Variants in ZNF714 observed in about 807,000 individuals in gnomAD.
The protein encoded by ZNF714 is zinc finger protein 714.
Under a neutral mutation model 46.2 loss-of-function variants are expected in ZNF714, and 32 were observed. That is an observed-to-expected ratio of 0.69 (90% CI 0.52 to 0.93). The LOEUF (loss-of-function observed/expected upper bound fraction) is 0.93, where lower values mean the gene tolerates loss of function less well. Ranked by LOEUF, ZNF714 falls within the 40% of genes least tolerant of loss-of-function variation. ZNF714 has a pLI of 0.00. For missense variants in ZNF714, 635 were observed against 646.3 expected (o/e 0.98, Z 0.19); for synonymous variants, 199 against 213.1 (o/e 0.93, Z 0.58).
chr19:21,106,430 G>A (rs771761054), intron 4 of ZNF714, among the ~76,000 whole-genome samples: 2 of 151,470 alleles, frequency 1.3e-5, no homozygotes, highest in Admixed American at 6.6e-5. Context: ...TTAGCTGGGC[G>A]TGGTGGCAGG....
chr19:21,099,719 C>T (rs183849477), intron 4 of ZNF714, among the ~76,000 whole-genome samples: 2,152 of 151,738 alleles, frequency 0.014, 32 homozygotes, highest in Non-Finnish European at 0.023. Context: ...ATTGTAGTTT[C>T]TTGTAAATTT....
At chr19:21,093,892 C>T (rs777837179) in intron 2 of ZNF714, among the ~76,000 whole-genome samples, 1 of 152,226 alleles carries the variant, frequency 6.6e-6, no homozygotes, top group Non-Finnish European at 1.5e-5. Flanking sequence ...CCTCGGCCTC[C>T]CAAAGTGCCG....
chr19:21,110,207 C>T (rs568051237), intron 4 of ZNF714, among the ~76,000 whole-genome samples: 3 of 152,158 alleles, frequency 2.0e-5, no homozygotes, highest in Non-Finnish European at 2.9e-5. Context: ...ATTTACATTC[C>T]CACCAAAAGT....
rs962698124 is a variant in ZNF714, at chr19:21,123,239, A to T, written c.*4907A>T. ...CATTGCATTTCTTTGTTTTTAAAAG[A>T]AAAATCTTATTAGATTCTTATACAA... is the stretch of plus-strand genomic sequence containing the variant. On this transcript the variant is annotated 3_prime_UTR_variant, in exon 5 of 5. Coordinates refer to ENST00000456283, the MANE Select transcript of ZNF714 (RefSeq NM_182515.4). 2 of 152,192 alleles carry T rather than the reference A, an allele frequency of 1.3e-5. No homozygotes were observed. The highest frequency in any genetic ancestry group is 2.9e-5 in the Non-Finnish European group (2 of 68,032). 9.4% of individuals were successfully genotyped at this position (152,192 alleles called of 1,614,324 possible).
At position 21,118,186 on chromosome 19, in the gene ZNF714, G is replaced by C; in HGVS notation, c.1522G>C (p.Ala508Pro). 10 of 1,609,326 alleles carry C rather than the reference G, an allele frequency of 6.2e-6. No individual in the cohort carries two copies. Among genetic ancestry groups the C allele is most frequent in the Non-Finnish European group, 8.5e-6 (10 of 1,177,310 alleles). ...TAGGAAAATTCAGCAGGGCATGGTG[G>C]CTCATGCCTGTAATCCCAACACTTT... ...KHRKIQQGMV[A>P]HACNPNTLRG... The change falls in exon 5 of 5, where the codon GCT (alanine) becomes CCT (proline). Residue 508 changes from alanine (A) to proline (P), a missense_variant. By Grantham distance (27) the Ala-to-Pro change is conservative. Coordinates refer to ENST00000456283, the MANE Select transcript of ZNF714 (RefSeq NM_182515.4).
intron 4 of ZNF714, among the ~76,000 whole-genome samples, chr19:21,103,723 C>A (rs1969242342): frequency 6.6e-6 from 1 of 151,992 alleles, no homozygotes; most frequent in Non-Finnish European, 1.5e-5. Context: ...TTCGGAGATT[C>A]CCTCTCTACA....
chr19:21,098,683 G>A, intron 3 of ZNF714, 129 bp from the exon 4 acceptor site: 1 of 569,148 alleles, frequency 1.8e-6, no homozygotes, highest in Non-Finnish European at 2.9e-6. Context: ...AGTTAGAGAT[G>A]TGTCTCATTA....
chr19:21,097,065 A>G (rs1268522981), intron 2 of ZNF714, among the ~76,000 whole-genome samples: 1 of 151,772 alleles, frequency 6.6e-6, no homozygotes, highest in Non-Finnish European at 1.5e-5. Flanking sequence ...ACGGGGTTTC[A>G]CTGTGTTAGC....
intron 4 of ZNF714, among the ~76,000 whole-genome samples, chr19:21,108,259 T>C (rs1283194118): frequency 6.6e-6 from 1 of 152,246 alleles, no homozygotes; most frequent in Non-Finnish European, 1.5e-5. Flanking sequence ...AGACTTGTTA[T>C]GTGTCCTAAC....
chr19:21,114,591 CTT>C (rs1367476811), intron 4 of ZNF714, among the ~76,000 whole-genome samples: 7 of 152,150 alleles, frequency 4.6e-5, no homozygotes, highest in South Asian at 4.1e-4. Context: ...GGTCATGACT[CTT>C]TATCCAGTTT....
rs1472717089 is a variant in ZNF714 at position 21,121,947 on chromosome 19, A to G, written c.*3615A>G. 2 of 152,148 alleles carry G rather than the reference A, an allele frequency of 1.3e-5. No individual in the cohort carries two copies. The highest frequency in any genetic ancestry group is 2.9e-5 in the Non-Finnish European group (2 of 68,016). 9.4% of individuals were successfully genotyped at this position (152,148 alleles called of 1,614,324 possible). A position where few individuals can be genotyped will look rare whatever the true frequency, so the allele number is the denominator to read the frequency against. The stretch of plus-strand genomic sequence containing the variant: ...ATTTTTATGAAATTTAGTGCACACA[A>G]AATAATTTTTAGATGTAATTCCAAA... On this transcript the variant is annotated 3_prime_UTR_variant, in exon 5 of 5. Transcript: ENST00000456283.
intron 4 of ZNF714, among the ~76,000 whole-genome samples, chr19:21,110,843 A>G (rs1047863143): frequency 2.0e-5 from 3 of 152,190 alleles, no homozygotes; most frequent in Non-Finnish European, 4.4e-5. Context: ...TTAAAAGGGA[A>G]TCCTTTTCCC....
At chr19:21,110,691 A>T (rs1238928645) in intron 4 of ZNF714, among the ~76,000 whole-genome samples, 1 of 152,092 alleles carries the variant, frequency 6.6e-6, no homozygotes, top group African/African-American at 2.4e-5. Flanking sequence ...TATTGCCTAA[A>T]TTTTATTTTA....
chr19:21,106,956 G>T (rs1271347478), intron 4 of ZNF714, among the ~76,000 whole-genome samples: 1 of 151,282 alleles, frequency 6.6e-6, no homozygotes, highest in Non-Finnish European at 1.5e-5. Context: ...GCTCCTAAGT[G>T]GCTGGGATTA....
chr19:21,113,613 T>C (rs1969515611), intron 4 of ZNF714, among the ~76,000 whole-genome samples: 1 of 151,940 alleles, frequency 6.6e-6, no homozygotes, highest in African/African-American at 2.4e-5. Context: ...TTCAAGCGAT[T>C]CTCCTGTCTC....
intron 4 of ZNF714, among the ~76,000 whole-genome samples, chr19:21,115,024 T>C (rs895185481): frequency 6.6e-6 from 1 of 152,158 alleles, no homozygotes; most frequent in African/African-American, 2.4e-5. Flanking sequence ...TACTTCTTTC[T>C]TATTTTGTTT....
chr19:21,110,116 A>T (rs1217563321), intron 4 of ZNF714, among the ~76,000 whole-genome samples: 1 of 152,192 alleles, frequency 6.6e-6, no homozygotes, highest in Non-Finnish European at 1.5e-5. Flanking sequence ...ACCCAGTATA[A>T]TGGGATCGTT....
At chr19:21,102,589 ATTTCT>A (rs1332662056) in intron 4 of ZNF714, among the ~76,000 whole-genome samples, 2 of 152,182 alleles carry the variant, frequency 1.3e-5, no homozygotes, top group African/African-American at 2.4e-5. Flanking sequence ...AAATTATCAC[ATTTCT>A]TTTACATGCT....
At chr19:21,099,400 G>A (rs1281637973) in intron 4 of ZNF714, among the ~76,000 whole-genome samples, 2 of 152,022 alleles carry the variant, frequency 1.3e-5, no homozygotes, top group African/African-American at 4.8e-5. Context: ...GGCTGGTCTT[G>A]TACTCCTGTC....
Sources: gnomAD v4.1 joint callset for allele counts (sites outside exome capture counted in the v4.1 genomes callset) on GRCh38, gnomAD v4.1.1 for gene constraint, MANE v1.5 for transcripts, NCBI Gene and HGNC (gene_info 2026-07-23, HGNC 2026-07-21) for gene names.